The following CCDC178 variants were observed in gnomAD, a reference collection of about 807,000 sequenced individuals.
CCDC178 encodes the protein coiled-coil domain containing 178, also known as coiled-coil domain-containing protein 178.
Under a neutral mutation model 117.4 loss-of-function variants are expected in CCDC178, and 126 were observed. That is an observed-to-expected ratio of 1.07 (90% CI 0.93 to 1.24). The LOEUF (loss-of-function observed/expected upper bound fraction) is 1.24, where lower values mean the gene tolerates loss of function less well. Among genes scored for constraint, CCDC178 ranks in the 50% most tolerant of loss-of-function variants. CCDC178 has a pLI of 0.00. For missense variants in CCDC178, 1,030 were observed against 986.9 expected, an observed-to-expected ratio of 1.04 and a Z score of -0.59; for synonymous variants, 283 against 313.4, an observed-to-expected ratio of 0.90 and a Z score of 1.02.
chr18:33,125,302 T>C (rs1338898334), intron 20 of CCDC178, among the ~76,000 whole-genome samples: 1 of 152,152 alleles, frequency 6.6e-6, no homozygotes, highest in African/African-American at 2.4e-5. Flanking sequence ...CCAGGCAAAA[T>C]TTTTAATAAG....
chr18:33,173,103 G>A (rs910550845), intron 20 of CCDC178, among the ~76,000 whole-genome samples: 1 of 152,152 alleles, frequency 6.6e-6, no homozygotes, highest in Non-Finnish European at 1.5e-5. Flanking sequence ...AGGCTGGATT[G>A]CAGTGGCATG....
intron 14 of CCDC178, among the ~76,000 whole-genome samples, chr18:33,255,758 G>A (rs2059671992): frequency 6.6e-6 from 1 of 151,956 alleles, no homozygotes; most frequent in African/African-American, 2.4e-5. Context: ...TCTGGGACAG[G>A]AGATGGAGCA....
chr18:33,344,082 A>C (rs1270406091), intron 9 of CCDC178, among the ~76,000 whole-genome samples: 1 of 151,598 alleles, frequency 6.6e-6, no homozygotes, highest in Non-Finnish European at 1.5e-5. Flanking sequence ...AGGCGGGTGG[A>C]TCATGAGGTC....
At chr18:33,377,930 T>G (rs1369822523) in intron 5 of CCDC178, among the ~76,000 whole-genome samples, 1 of 152,214 alleles carries the variant, frequency 6.6e-6, no homozygotes, top group Admixed American at 6.5e-5. Flanking sequence ...GTTTCAGTTC[T>G]TCTTTGGTTC....
At chr18:33,025,785 T>C (rs1330686318) in intron 21 of CCDC178, among the ~76,000 whole-genome samples, 6 of 152,304 alleles carry the variant, frequency 3.9e-5, no homozygotes, top group African/African-American at 1.4e-4. Flanking sequence ...TAATAATTGA[T>C]GGTACAATCG....
chr18:33,431,416 G>T (rs917489939), intron 2 of CCDC178, among the ~76,000 whole-genome samples: 1 of 151,688 alleles, frequency 6.6e-6, no homozygotes, highest in South Asian at 2.1e-4. Flanking sequence ...CAGAAACAAG[G>T]TCATACTGGC....
intron 2 of CCDC178, among the ~76,000 whole-genome samples, chr18:33,417,722 G>T (rs2063965644): frequency 6.6e-6 from 1 of 152,106 alleles, no homozygotes; most frequent in South Asian, 2.1e-4. Context: ...GGACTTTCCT[G>T]TGTATTTCTA....
At chr18:33,164,936 T>C (rs1196139573) in intron 20 of CCDC178, among the ~76,000 whole-genome samples, 6 of 152,238 alleles carry the variant, frequency 3.9e-5, no homozygotes, top group Non-Finnish European at 8.8e-5. Context: ...GGTAATATCA[T>C]GCATTGGTCA....
At chr18:33,221,345 G>A (rs994545599) in intron 18 of CCDC178, among the ~76,000 whole-genome samples, 4 of 150,838 alleles carry the variant, frequency 2.7e-5, no homozygotes, top group African/African-American at 9.9e-5. Flanking sequence ...AGTGAGTCTT[G>A]CCTTTGCCCA....
chr18:33,165,673 T>C (rs768475689), intron 20 of CCDC178, among the ~76,000 whole-genome samples: 2 of 152,226 alleles, frequency 1.3e-5, no homozygotes, highest in Non-Finnish European at 2.9e-5. Context: ...TTAGTCTGAA[T>C]AATCACAGTT....
intron 19 of CCDC178, among the ~76,000 whole-genome samples, chr18:33,212,641 T>TA (rs1468029236): frequency 6.6e-6 from 1 of 152,034 alleles, no homozygotes; most frequent in Admixed American, 6.6e-5. Flanking sequence ...ATGCATTTTT[T>TA]ATTGCTTTAT....
chr18:33,036,705 AAGG>A (rs1445063850), intron 21 of CCDC178, among the ~76,000 whole-genome samples: 1 of 151,972 alleles, frequency 6.6e-6, no homozygotes, highest in Non-Finnish European at 1.5e-5. Flanking sequence ...GGCTCAAAAT[AAGG>A]AGGAGAGTCT....
At chr18:33,100,833 T>C (rs2057615401) in intron 20 of CCDC178, among the ~76,000 whole-genome samples, 1 of 152,010 alleles carries the variant, frequency 6.6e-6, no homozygotes, top group Non-Finnish European at 1.5e-5. Flanking sequence ...TAAATTTCCA[T>C]TTGGTCAAGT....
intron 21 of CCDC178, among the ~76,000 whole-genome samples, chr18:33,015,816 C>T (rs2055976418): frequency 6.6e-6 from 1 of 151,942 alleles, no homozygotes. Context: ...AAAAAAGGAC[C>T]AAATAAAAAT....
At chr18:33,094,399 C>T (rs548817891) in intron 20 of CCDC178, among the ~76,000 whole-genome samples, 10 of 152,054 alleles carry the variant, frequency 6.6e-5, no homozygotes, top group East Asian at 3.9e-4. Context: ...ATATTAAAAT[C>T]CAATCCTGAA....
At chr18:33,428,408 TA>T (rs2064151375) in intron 2 of CCDC178, among the ~76,000 whole-genome samples, 1 of 152,102 alleles carries the variant, frequency 6.6e-6, no homozygotes, top group African/African-American at 2.4e-5. Context: ...ACTGAGAGGT[TA>T]AACCATTTAC....
chr18:33,347,459 AC>A (rs2062912226), intron 8 of CCDC178, among the ~76,000 whole-genome samples: 1 of 151,988 alleles, frequency 6.6e-6, no homozygotes, highest in South Asian at 2.1e-4. Context: ...TTCTTATAAA[AC>A]CGGTTTCCCT....
chr18:33,088,349 T>C (rs2057413501), intron 21 of CCDC178, among the ~76,000 whole-genome samples: 1 of 151,784 alleles, frequency 6.6e-6, no homozygotes, highest in Non-Finnish European at 1.5e-5. Context: ...ATTGGGATTG[T>C]ATTGACTCTA....
chr18:33,245,525 C>T, intron 14 of CCDC178, 97 bp from the exon 15 acceptor site: 1 of 1,181,904 alleles, frequency 8.5e-7, no homozygotes, highest in Non-Finnish European at 1.1e-6. Context: ...TTTATGTTGT[C>T]AAAAATACAA....
Sources: gnomAD v4.1 joint callset for allele counts (sites outside exome capture counted in the v4.1 genomes callset) on GRCh38, gnomAD v4.1.1 for gene constraint, MANE v1.5 for transcripts, NCBI Gene and HGNC (gene_info 2026-07-23, HGNC 2026-07-21) for gene names.